GALNT10: variants seen among roughly 807,000 people sequenced by gnomAD.
The protein encoded by GALNT10 is GalNAc transferase 10.
A neutral mutation model predicts 75.0 loss-of-function variants in GALNT10; 41 were observed. The ratio of observed to expected loss-of-function variants is 0.55; its 90% confidence interval spans 0.43 to 0.71. The LOEUF (loss-of-function observed/expected upper bound fraction) is 0.71, where lower values mean the gene tolerates loss of function less well. GALNT10 is among the 30% of genes least tolerant of loss of function. GALNT10 has a pLI of 0.00. For missense variants in GALNT10, 727 were observed against 818.5 expected (o/e 0.89, Z 1.36); for synonymous variants, 302 against 313.0 (o/e 0.96, Z 0.37).
At chr5:154,385,416 C>G (rs1755794683) in intron 6 of GALNT10, among the ~76,000 whole-genome samples, 1 of 152,150 alleles carries the variant, frequency 6.6e-6, no homozygotes, top group South Asian at 2.1e-4. Flanking sequence ...CAGTGCCTTT[C>G]CCTCTCCCAA....
chr5:154,291,230 C>A (rs538945307), intron 1 of GALNT10, among the ~76,000 whole-genome samples: 14 of 152,248 alleles, frequency 9.2e-5, no homozygotes, highest in South Asian at 2.1e-4. Flanking sequence ...TCCCTGTACC[C>A]CATTCCCAGT....
intron 1 of GALNT10, among the ~76,000 whole-genome samples, chr5:154,237,753 TG>T (rs1285067051): frequency 6.6e-6 from 1 of 152,246 alleles, no homozygotes; most frequent in Non-Finnish European, 1.5e-5. Flanking sequence ...ATGGGGGTTA[TG>T]GGTTTGGGGA....
chr5:154,250,426 C>T (rs1753497860), intron 1 of GALNT10, among the ~76,000 whole-genome samples: 1 of 152,142 alleles, frequency 6.6e-6, no homozygotes, highest in African/African-American at 2.4e-5. Flanking sequence ...ATCAAGAACC[C>T]TGGCACAAGG....
chr5:154,285,650 C>T (rs1184333438), intron 1 of GALNT10, among the ~76,000 whole-genome samples: 1 of 152,158 alleles, frequency 6.6e-6, no homozygotes, highest in Non-Finnish European at 1.5e-5. Context: ...CCAGCATAAG[C>T]TAACATCATC....
chr5:154,210,196 C>T (rs1718473667), intron 1 of GALNT10, among the ~76,000 whole-genome samples: 1 of 152,124 alleles, frequency 6.6e-6, no homozygotes, highest in Admixed American at 6.5e-5. Context: ...CCCTGGCCCC[C>T]TACCCACACT....
Position 154,409,817 on chromosome 5 carries a change from A to G in GALNT10, c.1386+55A>G. On this transcript the variant is annotated intron_variant, in intron 9 of 11. Coordinates refer to ENST00000297107, the MANE Select transcript of GALNT10 (RefSeq NM_198321.4). This position sits in a 1 kb window ranked among gnomAD's most constrained non-coding sequence, Gnocchi z 4.5. ...AATTTAATGGGTGTGCAAAATGCAAATGCAGATCCCATGTTCAAAAGGTAG... is the reference window on the plus strand; with the variant it reads ...AATTTAATGGGTGTGCAAAATGCAAGTGCAGATCCCATGTTCAAAAGGTAG... 1 of 1,130,650 alleles carries G rather than the reference A, an allele frequency of 8.8e-7. No individual in the cohort carries two copies. Among genetic ancestry groups the G allele is most frequent in the Non-Finnish European group, 1.3e-6 (1 of 741,714 alleles). The allele number at this position is 1,130,650 out of a possible 1,614,324, so 70.0% of individuals were successfully genotyped here. A position where few individuals can be genotyped will look rare whatever the true frequency, so the allele number is the denominator to read the frequency against.
intron 3 of GALNT10, among the ~76,000 whole-genome samples, chr5:154,299,877 C>G (rs1754336018): frequency 6.7e-6 from 1 of 148,846 alleles, no homozygotes; most frequent in Non-Finnish European, 1.5e-5. Flanking sequence ...CCCTATCACC[C>G]AGGCTGGAGT....
chr5:154,362,196 G>A (rs1755400983), intron 4 of GALNT10, among the ~76,000 whole-genome samples: 1 of 152,244 alleles, frequency 6.6e-6, no homozygotes. Context: ...TGGGATGTGT[G>A]CATGTGTTTG....
chr5:154,284,175 A>C (rs999772102), intron 1 of GALNT10, among the ~76,000 whole-genome samples: 1 of 152,228 alleles, frequency 6.6e-6, no homozygotes, highest in Non-Finnish European at 1.5e-5. Flanking sequence ...TTTAATCCTC[A>C]TAATAACCTT....
intron 1 of GALNT10, among the ~76,000 whole-genome samples, chr5:154,222,485 G>C (rs1752997283): frequency 6.6e-6 from 1 of 152,202 alleles, no homozygotes; most frequent in East Asian, 1.9e-4. Flanking sequence ...TAAATACTTA[G>C]GAATGGAATG....
intron 3 of GALNT10, among the ~76,000 whole-genome samples, chr5:154,316,297 T>C (rs1320875308): frequency 6.6e-6 from 1 of 152,224 alleles, no homozygotes; most frequent in East Asian, 1.9e-4. Flanking sequence ...GTGTTGGGAC[T>C]AAACTGAGGA....
At chr5:154,226,414 G>A (rs1459709372) in intron 1 of GALNT10, among the ~76,000 whole-genome samples, 1 of 152,130 alleles carries the variant, frequency 6.6e-6, no homozygotes, top group Non-Finnish European at 1.5e-5. Flanking sequence ...AACTCTCCAT[G>A]TTTGCTTGGG....
intron 1 of GALNT10, among the ~76,000 whole-genome samples, chr5:154,242,884 T>C (rs1349534405): frequency 1.3e-5 from 2 of 152,254 alleles, no homozygotes; most frequent in African/African-American, 2.4e-5. Flanking sequence ...AGTTACTGTT[T>C]TCAGCCCTGG....
chr5:154,342,437 G>A (rs73283313), intron 4 of GALNT10, among the ~76,000 whole-genome samples: 7,617 of 152,232 alleles, frequency 0.05, 497 homozygotes, highest in African/African-American at 0.15. Flanking sequence ...CTTGTTAAAT[G>A]CAGGTTACCA....
intron 1 of GALNT10, among the ~76,000 whole-genome samples, chr5:154,262,028 T>C (rs1753706087): frequency 6.6e-6 from 1 of 152,206 alleles, no homozygotes; most frequent in African/African-American, 2.4e-5. Context: ...AGATAGTTCA[T>C]GTGGGTTACT....
At chr5:154,259,586 T>C (rs957259036) in intron 1 of GALNT10, among the ~76,000 whole-genome samples, 2 of 152,112 alleles carry the variant, frequency 1.3e-5, no homozygotes, top group African/African-American at 4.8e-5. Context: ...AAGTGAGTTA[T>C]GTTGATTGAA....
intron 4 of GALNT10, among the ~76,000 whole-genome samples, chr5:154,372,653 G>T (rs1755590593): frequency 2.6e-5 from 4 of 152,228 alleles, no homozygotes; most frequent in Admixed American, 2.0e-4. Context: ...AATTCTGGGA[G>T]CCAGCATGGA....
chr5:154,333,310 T>A (rs1471975492), intron 4 of GALNT10, among the ~76,000 whole-genome samples: 1 of 152,176 alleles, frequency 6.6e-6, no homozygotes, highest in Non-Finnish European at 1.5e-5. Flanking sequence ...AGACCCCATA[T>A]CTGGGCCACA....
intron 4 of GALNT10, among the ~76,000 whole-genome samples, chr5:154,356,584 A>G (rs529607981): frequency 9.4e-4 from 143 of 152,262 alleles, no homozygotes; most frequent in African/African-American, 3.1e-3. Context: ...AATAGTAAAA[A>G]CGTTTTTCAA....
Sources: gnomAD v4.1 joint callset for allele counts (sites outside exome capture counted in the v4.1 genomes callset) on GRCh38, gnomAD v4.1.1 for gene constraint, Gnocchi (gnomAD v3.1) non-coding constraint, MANE v1.5 for transcripts, NCBI Gene and HGNC (gene_info 2026-07-23, HGNC 2026-07-21) for gene names.